Variants in SLC38A11 observed in about 807,000 individuals in gnomAD.
SLC38A11 encodes solute carrier family 38 member 11.
A neutral mutation model predicts 49.4 loss-of-function variants in SLC38A11; 51 were observed. The ratio of observed to expected loss-of-function variants is 1.03; its 90% confidence interval spans 0.83 to 1.30. SLC38A11 has a LOEUF of 1.30. SLC38A11 is among the 50% of genes most tolerant of loss of function. The pLI is 0.00. For synonymous variants in SLC38A11, 203 were observed against 192.9 expected (o/e 1.05, Z -0.43); for missense variants, 574 against 556.2 (o/e 1.03, Z -0.32).
chr2:164,905,449 G>A (rs573297116), intron 11 of SLC38A11, among the ~76,000 whole-genome samples: 4 of 152,020 alleles, frequency 2.6e-5, no homozygotes, highest in Admixed American at 6.6e-5. Context: ...TTATTATGAA[G>A]TAGAACACAG....
intron 11 of SLC38A11, among the ~76,000 whole-genome samples, chr2:164,905,650 T>C (rs1237400861): frequency 6.6e-6 from 1 of 152,138 alleles, no homozygotes; most frequent in Non-Finnish European, 1.5e-5. Context: ...TCAGGTGGTC[T>C]GAGAATGGAG....
intron 9 of SLC38A11, among the ~76,000 whole-genome samples, chr2:164,914,246 T>C (rs1396890871): frequency 1.3e-5 from 2 of 152,014 alleles, no homozygotes; most frequent in Non-Finnish European, 2.9e-5. Context: ...ATAATAGACC[T>C]GCAAGAGCTG....
chr2:164,931,020 C>CA (rs1319889335), intron 7 of SLC38A11, among the ~76,000 whole-genome samples: 1 of 151,378 alleles, frequency 6.6e-6, no homozygotes, highest in Non-Finnish European at 1.5e-5. Context: ...TAGTCTCAGC[C>CA]AAAAAAGATA....
At chr2:164,937,900 G>C (rs180807857) in intron 6 of SLC38A11, among the ~76,000 whole-genome samples, 13 of 151,394 alleles carry the variant, frequency 8.6e-5, no homozygotes, top group Admixed American at 1.3e-4. Flanking sequence ...TTGAGGAGGG[G>C]TATCTCAGCT....
Position 164,937,383 on chromosome 2 carries a change from A to G in SLC38A11, c.584T>C (p.Val195Ala), listed in dbSNP as rs1356910486. The G allele has an allele frequency of 1.2e-6, 2 of 1,612,162 alleles. No individual in the cohort carries two copies. The change falls in exon 7 of 12, where the codon GTA becomes GCA. Residue 195 changes from valine to alanine, a missense_variant. Transcript: ENST00000685975. ...ACCCAGTGAAATTGCCCTTGCCATT[A>G]CAATTCCAAGAATCAGAGTTGTTAA... ...TGLTTLILGIVMARAISLGPH... is the reference protein window; with the variant it reads ...TGLTTLILGIAMARAISLGPH...
chr2:164,908,390 C>T (rs1685165517), intron 11 of SLC38A11, among the ~76,000 whole-genome samples: 1 of 152,070 alleles, frequency 6.6e-6, no homozygotes, highest in African/African-American at 2.4e-5. Context: ...CCTCTATCCA[C>T]TAGAGGCCAA....
chr2:164,936,574 T>C, intron 7 of SLC38A11, among the ~76,000 whole-genome samples: 1 of 152,214 alleles, frequency 6.6e-6, no homozygotes, highest in East Asian at 1.9e-4. Flanking sequence ...AACTCTTTAA[T>C]GCATTATTTA....
At position 164,915,081 on chromosome 2, in the gene SLC38A11, A is replaced by G. The variant is rs756744855; in HGVS notation, c.850+31T>C. 4 of 1,580,100 alleles carry G rather than the reference A, an allele frequency of 2.5e-6. No homozygotes were observed. In the South Asian group the frequency reaches 4.7e-5, roughly 19 times the overall value. On this transcript the variant is annotated intron_variant, in intron 9 of 11. Transcript: ENST00000685975. ...ATTCGGTATACCTGTACCAATGCACATGAACACTATAACTGAATCTCTCAT... is the reference window on the plus strand; with the variant it reads ...ATTCGGTATACCTGTACCAATGCACGTGAACACTATAACTGAATCTCTCAT...
intron 9 of SLC38A11, among the ~76,000 whole-genome samples, chr2:164,914,857 G>A (rs1414842392): frequency 6.6e-6 from 1 of 151,946 alleles, no homozygotes; most frequent in Non-Finnish European, 1.5e-5. Flanking sequence ...CTGCAGTGGA[G>A]GAAAGCCAAA....
Position 164,897,622 on chromosome 2 carries a change from T to C in SLC38A11, c.*815A>G, listed in dbSNP as rs1031850545. On this transcript the variant is annotated 3_prime_UTR_variant, in exon 12 of 12. Coordinates refer to ENST00000685975, the MANE Select transcript of SLC38A11 (RefSeq NM_001351537.2). ...CTTCTTCTGTAGCCCTGATTCTTCT[T>C]ACACGTTTCTAGTTTCAAAGTTCAG... 3.9e-5 allele frequency: 6 copies of C among 152,234 alleles called. No individual in the cohort carries two copies. The highest frequency in any genetic ancestry group is 4.8e-5 in the African/African-American group (2 of 41,456). 9.4% of individuals were successfully genotyped at this position (152,234 alleles called of 1,614,324 possible).
At chr2:164,938,431 C>T (rs1006315053) in intron 6 of SLC38A11, among the ~76,000 whole-genome samples, 2 of 152,088 alleles carry the variant, frequency 1.3e-5, no homozygotes, top group African/African-American at 4.8e-5. Flanking sequence ...GGAAAAAATG[C>T]TCAGGTATTA....
intron 5 of SLC38A11, among the ~76,000 whole-genome samples, chr2:164,941,080 C>A (rs574683682): frequency 2.0e-5 from 3 of 152,066 alleles, no homozygotes; most frequent in South Asian, 4.2e-4. Context: ...AACTGAGGAT[C>A]CCATTTGCAT....
Position 164,952,771 on chromosome 2 carries a change from A to G in SLC38A11, c.165T>C (p.Tyr55=). The part of the protein sequence containing the change: ...IIGSGIIGLP[Y]SMKQAGFPLG... Reference sequence around the variant, plus strand: ...AAGGAAACCCAGCTTGCTTCATTGAATAAGGCAATCCTGAAAAAACATAAA... The same window carrying G: ...AAGGAAACCCAGCTTGCTTCATTGAGTAAGGCAATCCTGAAAAAACATAAA... The change falls in exon 3 of 12, where the codon TAT becomes TAC. Residue 55 remains tyrosine, a synonymous_variant. Coordinates refer to ENST00000685975, the MANE Select transcript of SLC38A11 (RefSeq NM_001351537.2). 6.2e-7 allele frequency: 1 copy of G among 1,601,838 alleles called. No individual in the cohort carries two copies. The highest frequency in any genetic ancestry group is 8.5e-7 in the Non-Finnish European group (1 of 1,177,292).
chr2:164,955,208 C>A lies in SLC38A11; in HGVS notation c.39+1G>T, dbSNP rs1340375643. The A allele has an allele frequency of 3.2e-6, 5 of 1,550,564 alleles. No individual in the cohort carries two copies. The highest frequency in any genetic ancestry group is 4.4e-6 in the Non-Finnish European group (5 of 1,146,938). ...AGAACCTGCCTAGTCGCTAGTTTTA[C>A]CTGCGGCGGGATGACAGGCTCCTGC... On this transcript the variant is annotated splice_donor_variant, in intron 1 of 11. Transcript: ENST00000685975. LOFTEE classifies it high-confidence loss of function.
At position 164,895,932 on chromosome 2, in the gene SLC38A11, G is replaced by A. The variant is rs1684370282; in HGVS notation, c.*2505C>T. On this transcript the variant is annotated 3_prime_UTR_variant, in exon 12 of 12. Coordinates refer to ENST00000685975, the MANE Select transcript of SLC38A11 (RefSeq NM_001351537.2). ...TATTGCTAGATGTTCTCATTTGTGT[G>A]TAAAGATGTGATTCTTGCCTACCAC... Among the ~76,000 whole-genome samples, 1 of 152,176 alleles carries A rather than the reference G, an allele frequency of 6.6e-6. No individual in the cohort carries two copies. Among genetic ancestry groups the A allele is most frequent in the Non-Finnish European group, 1.5e-5 (1 of 68,030 alleles).
At chr2:164,952,608 C>A in intron 3 of SLC38A11, 99 bp downstream of exon 3, 1 of 827,966 alleles carries the variant, frequency 1.2e-6, no homozygotes, top group Non-Finnish European at 2.1e-6. Flanking sequence ...TTTTAATTAA[C>A]TAGGAAATTC....
In SLC38A11 at chr2:164,954,657, T is replaced by C. The variant is rs773977412; in HGVS notation, c.128A>G (p.Asn43Ser). The change falls in exon 2 of 12, where the codon AAC (asparagine) becomes AGC (serine). Residue 43 changes from asparagine (N) to serine (S), a missense_variant. By Grantham distance (46) the Asn-to-Ser change is conservative (BLOSUM62 1). Coordinates refer to ENST00000685975, the MANE Select transcript of SLC38A11 (RefSeq NM_001351537.2). ...CQSAALFNVV[N>S]SIIGSGIIGL... ...TATTATACCAGATCCTATAATCGAGTTGACAACATTAAAAAGAGCAGCAGA... is the reference window on the plus strand; with the variant it reads ...TATTATACCAGATCCTATAATCGAGCTGACAACATTAAAAAGAGCAGCAGA... 56 of 1,534,202 alleles carry C rather than the reference T, an allele frequency of 3.7e-5. No individual in the cohort carries two copies. Among genetic ancestry groups the C allele is most frequent in the African/African-American group, 1.4e-5 (1 of 72,686 alleles).
intron 11 of SLC38A11, 90 bp downstream of exon 11, chr2:164,908,550 T>C: frequency 8.1e-7 from 1 of 1,231,656 alleles, no homozygotes; most frequent in Non-Finnish European, 1.1e-6. Flanking sequence ...GTGACACTTT[T>C]GTTAAGGAAA....
At chr2:164,937,310 C>T in intron 7 of SLC38A11, 40 bp downstream of exon 7, 3 of 1,283,314 alleles carry the variant, frequency 2.3e-6, no homozygotes, top group Non-Finnish European at 3.4e-6. Context: ...TATGTGGAGG[C>T]TATAAATCAA....
Sources: allele counts gnomAD v4.1 joint callset (sites outside exome capture counted in the v4.1 genomes callset), GRCh38; gene constraint gnomAD v4.1.1; transcripts MANE v1.5; gene names NCBI Gene and HGNC (gene_info 2026-07-23, HGNC 2026-07-21).